Variants in STK39 observed in about 807,000 individuals in gnomAD.
STK39 encodes the protein serine/threonine kinase 39.
In STK39, 20 loss-of-function variants were observed where a neutral mutation model predicts 77.8. The observed-to-expected ratio is 0.26, with a 90% confidence interval of 0.18 to 0.37. STK39 has a LOEUF of 0.37. STK39 is among the 10% of genes least tolerant of loss of function. The pLI is 1.00. For missense variants in STK39, 479 were observed against 656.5 expected, an observed-to-expected ratio of 0.73 and a Z score of 2.95; for synonymous variants, 246 against 234.1, an observed-to-expected ratio of 1.05 and a Z score of -0.47.
At chr2:168,215,749 G>C (rs1690009633) in intron 1 of STK39, among the ~76,000 whole-genome samples, 2 of 152,136 alleles carry the variant, frequency 1.3e-5, no homozygotes, top group South Asian at 4.1e-4. Flanking sequence ...AAGAGGAAAG[G>C]GGGAAAAAAT....
chr2:168,194,092 A>C (rs539207367), intron 1 of STK39, among the ~76,000 whole-genome samples: 2 of 152,330 alleles, frequency 1.3e-5, no homozygotes, highest in Non-Finnish European at 2.9e-5. Context: ...ATAATAATTC[A>C]GAAATGTATG....
intron 1 of STK39, among the ~76,000 whole-genome samples, chr2:168,207,974 T>C (rs933646008): frequency 6.6e-6 from 1 of 151,966 alleles, no homozygotes; most frequent in African/African-American, 2.4e-5. Context: ...AAAGGCAAGA[T>C]CAGAGAGGAA....
At chr2:167,966,396 T>C (rs918943657) in intron 16 of STK39, among the ~76,000 whole-genome samples, 2 of 152,208 alleles carry the variant, frequency 1.3e-5, no homozygotes, top group Admixed American at 1.3e-4. Context: ...ACCCATTTTC[T>C]TAAAACATAA....
intron 16 of STK39, among the ~76,000 whole-genome samples, chr2:168,009,851 C>A (rs894620788): frequency 6.6e-6 from 1 of 152,178 alleles, no homozygotes; most frequent in Non-Finnish European, 1.5e-5. Context: ...AAAAGAAAAG[C>A]TTTATGGTTA....
chr2:168,029,024 T>C (rs958019474), intron 14 of STK39, among the ~76,000 whole-genome samples: 10 of 152,356 alleles, frequency 6.6e-5, no homozygotes, highest in African/African-American at 2.4e-4. Flanking sequence ...AGGCACAAAC[T>C]GTTACAAACT....
intron 1 of STK39, among the ~76,000 whole-genome samples, chr2:168,238,031 T>C (rs4668050): frequency 0.99 from 151,220 of 152,294 alleles, 75,081 homozygotes; most frequent in Middle Eastern, 1. Context: ...GGCACCAACC[T>C]ACCCAAAATG....
intron 16 of STK39, among the ~76,000 whole-genome samples, chr2:167,978,277 G>A (rs559512043): frequency 9.9e-4 from 150 of 152,266 alleles, no homozygotes; most frequent in Non-Finnish European, 1.7e-3. Context: ...CCAGGCAAGA[G>A]GTGGTTTTTT....
intron 14 of STK39, among the ~76,000 whole-genome samples, chr2:168,025,728 T>C (rs1171627585): frequency 1.3e-5 from 2 of 152,142 alleles, no homozygotes; most frequent in Non-Finnish European, 2.9e-5. Flanking sequence ...AATATGAGGA[T>C]ACACAGAAGG....
chr2:168,170,500 T>G (rs1298344177), intron 2 of STK39, among the ~76,000 whole-genome samples: 2 of 152,218 alleles, frequency 1.3e-5, no homozygotes, highest in South Asian at 2.1e-4. Flanking sequence ...TGGATGGGCA[T>G]GCAGATCACC....
chr2:168,045,114 G>C (rs1171116436), intron 14 of STK39, among the ~76,000 whole-genome samples: 1 of 151,870 alleles, frequency 6.6e-6, no homozygotes, highest in Non-Finnish European at 1.5e-5. Flanking sequence ...CATCTTATAA[G>C]TGACCAAAAA....
rs1416925324 is a variant in STK39 at position 167,977,279 on chromosome 2, AATGGGAAGTGTCCAATAATCATTATGTT to A, written c.1499-12581_1499-12554del. On this transcript the variant is annotated intron_variant, in intron 16 of 17. Coordinates refer to ENST00000355999, the MANE Select transcript of STK39 (RefSeq NM_013233.3). ...TTTATGAACTAGCTGACAGTGTGGT[AATGGGAAGTGTCCAATAATCATTATGTT>A]ATGGGAAGTGTCCAATAATCATTAT... Among the ~76,000 whole-genome samples the A allele has an allele frequency of 3.3e-5, 5 of 152,314 alleles. No homozygotes were observed. The East Asian group carries it at 7.7e-4, about 24-fold the overall frequency.
At chr2:168,025,933 C>T (rs571074805) in intron 14 of STK39, among the ~76,000 whole-genome samples, 5 of 152,146 alleles carry the variant, frequency 3.3e-5, no homozygotes, top group Non-Finnish European at 7.4e-5. Context: ...GGAGTTAATC[C>T]ACTTACCAGC....
chr2:168,130,299 C>T (rs1468369317), intron 8 of STK39, among the ~76,000 whole-genome samples: 2 of 152,212 alleles, frequency 1.3e-5, no homozygotes, highest in Admixed American at 1.3e-4. Flanking sequence ...TAATAAAATG[C>T]AAATTCATTT....
rs143611985 is a variant in STK39 at position 168,170,312 on chromosome 2, ATTTG to A, written c.322-2909_322-2906del. On this transcript the variant is annotated intron_variant, in intron 2 of 17. Transcript: ENST00000355999. Reference sequence around the variant, plus strand: ...GGAAAAGACATTCATTACCAAGCATATTTGTTTGTCCCTATCCCTAAAAATGACA... The same window carrying A: ...GGAAAAGACATTCATTACCAAGCATATTTGTCCCTATCCCTAAAAATGACA... 7.5e-3 allele frequency among the ~76,000 whole-genome samples: 1,146 copies of A among 152,310 alleles called. 13 individuals are homozygous for A. Among genetic ancestry groups the A allele is most frequent in the African/African-American group, 0.026 (1,093 of 41,568 alleles).
intron 14 of STK39, among the ~76,000 whole-genome samples, chr2:168,046,656 C>T (rs1269521250): frequency 6.6e-6 from 1 of 152,202 alleles, no homozygotes; most frequent in Admixed American, 6.5e-5. Context: ...GGCCTTTGGA[C>T]ACTGGCCTCA....
At chr2:168,223,326 A>G (rs748063849) in intron 1 of STK39, among the ~76,000 whole-genome samples, 27 of 152,036 alleles carry the variant, frequency 1.8e-4, no homozygotes, top group Non-Finnish European at 2.6e-4. Flanking sequence ...CCTGGCCAAC[A>G]TGGTGAAACC....
At chr2:168,061,776 T>C (rs1472093547) in intron 14 of STK39, among the ~76,000 whole-genome samples, 4 of 152,228 alleles carry the variant, frequency 2.6e-5, no homozygotes, top group South Asian at 2.1e-4. Flanking sequence ...CTTGCAAATA[T>C]ACAAATGGCT....
At chr2:168,234,233 T>C (rs1227129122) in intron 1 of STK39, among the ~76,000 whole-genome samples, 2 of 152,218 alleles carry the variant, frequency 1.3e-5, no homozygotes, top group Non-Finnish European at 2.9e-5. Flanking sequence ...CACCACCCCA[T>C]GTAACTTTCT....
intron 14 of STK39, among the ~76,000 whole-genome samples, chr2:168,043,631 C>T (rs1483045812): frequency 6.6e-6 from 1 of 152,216 alleles, no homozygotes; most frequent in East Asian, 1.9e-4. Flanking sequence ...ACAACACAGG[C>T]ACAATTTCTG....
Sources: gnomAD v4.1 joint callset for allele counts (sites outside exome capture counted in the v4.1 genomes callset) on GRCh38, gnomAD v4.1.1 for gene constraint, MANE v1.5 for transcripts, NCBI Gene and HGNC (gene_info 2026-07-23, HGNC 2026-07-21) for gene names.